The following PDE4B variants were observed in gnomAD, a reference collection of about 807,000 sequenced individuals.
PDE4B encodes the protein 3',5'-cyclic-AMP phosphodiesterase 4B.
Under a neutral mutation model 82.2 loss-of-function variants are expected in PDE4B, and 20 were observed. That is an observed-to-expected ratio of 0.24 (90% CI 0.17 to 0.35). The LOEUF (loss-of-function observed/expected upper bound fraction) is 0.35, where lower values mean the gene tolerates loss of function less well. Among genes scored for constraint, PDE4B ranks in the 10% least tolerant of loss-of-function variants. PDE4B has a pLI of 1.00. For synonymous variants in PDE4B, 320 were observed against 318.9 expected (o/e 1.00, Z -0.04); for missense variants, 655 against 907.2 (o/e 0.72, Z 3.57).
intron 10 of PDE4B, among the ~76,000 whole-genome samples, 187 bp downstream of exon 10, chr1:66,361,980 T>C (rs1662812907): frequency 6.6e-6 from 1 of 152,138 alleles, no homozygotes; most frequent in South Asian, 2.1e-4. Flanking sequence ...TGAGGAAGGT[T>C]GATTGAACAT....
At chr1:65,855,848 C>T (rs1377627663) in intron 1 of PDE4B, among the ~76,000 whole-genome samples, 1 of 152,060 alleles carries the variant, frequency 6.6e-6, no homozygotes, top group African/African-American at 2.4e-5. Flanking sequence ...GAACGTGGCT[C>T]TAGGCAGAAA....
intron 3 of PDE4B, among the ~76,000 whole-genome samples, chr1:65,946,139 A>G (rs969603665): frequency 5.3e-5 from 8 of 152,000 alleles, no homozygotes; most frequent in Non-Finnish European, 1.2e-4. Flanking sequence ...TCATGAATTC[A>G]TAGGTGTGAA....
chr1:65,908,709 G>A (rs1196328640), intron 1 of PDE4B, among the ~76,000 whole-genome samples: 1 of 152,072 alleles, frequency 6.6e-6, no homozygotes, highest in African/African-American at 2.4e-5. Context: ...GTTTCAATGT[G>A]TGCCAGTGGG....
At chr1:65,880,764 T>C (rs1646699694) in intron 1 of PDE4B, among the ~76,000 whole-genome samples, 1 of 152,174 alleles carries the variant, frequency 6.6e-6, no homozygotes, top group Non-Finnish European at 1.5e-5. Context: ...TGGTATTTTA[T>C]TACAGCAACC....
chr1:66,047,841 C>A (rs1250998704), intron 3 of PDE4B, among the ~76,000 whole-genome samples: 1 of 151,886 alleles, frequency 6.6e-6, no homozygotes, highest in Non-Finnish European at 1.5e-5. Context: ...AATTTCACCC[C>A]AACATTAGCT....
At chr1:66,188,863 T>G (rs1221435691) in intron 3 of PDE4B, among the ~76,000 whole-genome samples, 1 of 152,214 alleles carries the variant, frequency 6.6e-6, no homozygotes, top group African/African-American at 2.4e-5. Context: ...ATGTGTGAAT[T>G]TGATCCTGTC....
At chr1:65,830,237 A>G (rs1249157442) in intron 1 of PDE4B, among the ~76,000 whole-genome samples, 4 of 152,196 alleles carry the variant, frequency 2.6e-5, no homozygotes, top group Non-Finnish European at 5.9e-5. Context: ...ACATTGATAT[A>G]AACAAATGAT....
At position 66,355,576 on chromosome 1, in the gene PDE4B, G is replaced by A. The variant is rs199554373; in HGVS notation, c.797G>A (p.Arg266Gln). ...RELTHLSEMS[R>Q]SGNQVSEYIS... is the part of the protein sequence containing the mutation. ...CTGACACACCTCTCAGAGATGAGCCGATCAGGGAACCAGGTGTCTGAATAC... is the reference window on the plus strand; with the variant it reads ...CTGACACACCTCTCAGAGATGAGCCAATCAGGGAACCAGGTGTCTGAATAC... The change falls in exon 9 of 17, where the codon CGA becomes CAA. Residue 266 changes from arginine (R) to glutamine (Q), a missense_variant. Physicochemically the swap from Arg to Gln is conservative, Grantham distance 43. Around this residue, in one of 3 missense-constraint regions of PDE4B, gnomAD observed 283 missense variants for 516.4 expected, o/e 0.55. Transcript: ENST00000341517. 6.8e-6 allele frequency: 11 copies of A among 1,612,242 alleles called. No homozygotes were observed. The highest frequency in any genetic ancestry group is 3.3e-5 in the South Asian group (3 of 90,928).
chr1:66,107,244 G>A (rs942366738), intron 3 of PDE4B, among the ~76,000 whole-genome samples: 20 of 151,900 alleles, frequency 1.3e-4, no homozygotes, highest in South Asian at 4.2e-4. Context: ...GTAGTTGAGC[G>A]GTTTTGAGTG....
At chr1:66,184,012 G>T (rs1647128087) in intron 3 of PDE4B, among the ~76,000 whole-genome samples, 1 of 152,122 alleles carries the variant, frequency 6.6e-6, no homozygotes, top group African/African-American at 2.4e-5. Context: ...TGCGTGAACA[G>T]AGTCAAATAG....
chr1:65,825,087 C>G (rs939086873), intron 1 of PDE4B, among the ~76,000 whole-genome samples: 1 of 152,298 alleles, frequency 6.6e-6, no homozygotes, highest in African/African-American at 2.4e-5. Context: ...TCTCTTTTCC[C>G]CTTCCATTAG....
chr1:66,308,627 A>AT (rs1396252519), intron 7 of PDE4B, among the ~76,000 whole-genome samples: 5 of 152,008 alleles, frequency 3.3e-5, no homozygotes, highest in Non-Finnish European at 7.4e-5. Flanking sequence ...ATATCTGGGC[A>AT]TTTTTTGCTC....
chr1:66,198,209 G>T (rs1364626400), intron 3 of PDE4B, among the ~76,000 whole-genome samples: 10 of 152,054 alleles, frequency 6.6e-5, no homozygotes, highest in Non-Finnish European at 1.5e-4. Flanking sequence ...TGATTCCTGG[G>T]GGTAGAAATC....
chr1:66,172,652 G>A (rs976242458), intron 3 of PDE4B, among the ~76,000 whole-genome samples: 4 of 152,126 alleles, frequency 2.6e-5, no homozygotes, highest in Admixed American at 2.6e-4. Flanking sequence ...TCTGACTATT[G>A]TAAGATGGTA....
At chr1:66,107,932 A>G (rs1368842868) in intron 3 of PDE4B, among the ~76,000 whole-genome samples, 2 of 152,016 alleles carry the variant, frequency 1.3e-5, no homozygotes, top group East Asian at 3.8e-4. Context: ...TAAGATATTT[A>G]ATTTGGATTT....
chr1:66,284,963 GA>G (rs1570623251), intron 7 of PDE4B, among the ~76,000 whole-genome samples: 2 of 152,292 alleles, frequency 1.3e-5, no homozygotes, highest in Admixed American at 6.5e-5. Context: ...TTCAGGCTTG[GA>G]ATCAGAAAAC....
chr1:66,014,584 A>C (rs1363172048), intron 3 of PDE4B, among the ~76,000 whole-genome samples: 1 of 152,160 alleles, frequency 6.6e-6, no homozygotes, highest in Non-Finnish European at 1.5e-5. Flanking sequence ...AACCATACAG[A>C]TTTAAGGGAA....
chr1:66,297,115 T>G (rs1315905722), intron 7 of PDE4B, among the ~76,000 whole-genome samples: 1 of 152,160 alleles, frequency 6.6e-6, no homozygotes, highest in African/African-American at 2.4e-5. Context: ...ATTTGCTGAA[T>G]ATTAGACTCA....
intron 7 of PDE4B, among the ~76,000 whole-genome samples, chr1:66,286,900 A>G (rs1416891165): frequency 1.3e-5 from 2 of 152,128 alleles, no homozygotes; most frequent in Non-Finnish European, 2.9e-5. Flanking sequence ...ATGCCCCCCC[A>G]TGGTAATTAA....
Sources: allele counts gnomAD v4.1 joint callset (sites outside exome capture counted in the v4.1 genomes callset), GRCh38; gene constraint gnomAD v4.1.1; regional missense constraint gnomAD v4.1.1; transcripts MANE v1.5; gene names NCBI Gene and HGNC (gene_info 2026-07-23, HGNC 2026-07-21).